PDE8A: variants seen among roughly 807,000 people sequenced by gnomAD.
PDE8A encodes high affinity cAMP-specific and IBMX-insensitive 3',5'-cyclic phosphodiesterase 8A.
Under a neutral mutation model 105.0 loss-of-function variants are expected in PDE8A, and 59 were observed. The observed-to-expected ratio is 0.56, with a 90% CI of 0.46 to 0.70. The LOEUF is 0.70. PDE8A is among the 30% of genes least tolerant of loss of function. PDE8A has a pLI of 0.00. For missense variants in PDE8A, 1,014 were observed against 1,045.9 expected (o/e 0.97, Z 0.42); for synonymous variants, 355 against 371.9 (o/e 0.95, Z 0.52).
At chr15:85,054,452 A>G (rs891987086) in intron 1 of PDE8A, among the ~76,000 whole-genome samples, 4 of 151,976 alleles carry the variant, frequency 2.6e-5, no homozygotes, top group Non-Finnish European at 5.9e-5. Flanking sequence ...CAGGTACGGG[A>G]CTTTTTTTGG....
At chr15:84,991,268 T>G (rs190418464) in intron 1 of PDE8A, among the ~76,000 whole-genome samples, 1 of 152,160 alleles carries the variant, frequency 6.6e-6, no homozygotes, top group Non-Finnish European at 1.5e-5. Flanking sequence ...AGGATTAGTA[T>G]TCAGAGAGGT....
Position 84,984,392 on chromosome 15 carries a change from C to T in PDE8A, c.186+2044C>T, listed in dbSNP as rs199506581. ...TAAATTTTAAGATATTAACTATGCT[C>T]TGGAAATTCATGTTAGAGAAGGCAA... On this transcript the variant is annotated intron_variant, in intron 1 of 21. Coordinates refer to ENST00000394553, the MANE Select transcript of PDE8A (RefSeq NM_002605.3). Among the ~76,000 whole-genome samples the T allele has an allele frequency of 9.9e-5, 15 of 152,262 alleles. No homozygotes were observed. In the East Asian group the frequency reaches 2.9e-3, roughly 29 times the overall value.
chr15:85,128,728 C>T (rs566311609), intron 20 of PDE8A, among the ~76,000 whole-genome samples: 1 of 152,084 alleles, frequency 6.6e-6, no homozygotes, highest in Non-Finnish European at 1.5e-5. Flanking sequence ...AGTATTTGTC[C>T]AGACACTTCC....
chr15:85,072,497 C>T (rs1445095824), intron 3 of PDE8A, among the ~76,000 whole-genome samples: 1 of 152,136 alleles, frequency 6.6e-6, no homozygotes, highest in East Asian at 1.9e-4. Flanking sequence ...GGCCAATGGA[C>T]CTATCATGTG....
intron 1 of PDE8A, among the ~76,000 whole-genome samples, chr15:85,052,630 A>AGT (rs1440329981): frequency 6.6e-6 from 1 of 152,204 alleles, no homozygotes; most frequent in Non-Finnish European, 1.5e-5. Flanking sequence ...TCTTTTGAGA[A>AGT]GTGTCTGTTC....
chr15:85,049,646 C>T (rs533613596), intron 1 of PDE8A, among the ~76,000 whole-genome samples: 3 of 152,262 alleles, frequency 2.0e-5, no homozygotes, highest in South Asian at 2.1e-4. Flanking sequence ...CTCCCAGGCC[C>T]GAGTGATTCT....
intron 20 of PDE8A, among the ~76,000 whole-genome samples, chr15:85,131,252 G>C (rs189772469): frequency 6.6e-6 from 1 of 152,238 alleles, no homozygotes; most frequent in African/African-American, 2.4e-5. Context: ...ACAGTCTGTG[G>C]CTTTTGAGTT....
At chr15:85,046,651 A>G (rs1452345151) in intron 1 of PDE8A, among the ~76,000 whole-genome samples, 1 of 152,220 alleles carries the variant, frequency 6.6e-6, no homozygotes, top group East Asian at 1.9e-4. Context: ...AGATAATAAA[A>G]TATGTAGTAT....
chr15:85,079,135 A>ATAT (rs1377825622), intron 5 of PDE8A, among the ~76,000 whole-genome samples: 1 of 152,228 alleles, frequency 6.6e-6, no homozygotes, highest in Non-Finnish European at 1.5e-5. Flanking sequence ...ACTTATGCAT[A>ATAT]TATGTATAAG....
At chr15:85,056,887 A>T (rs558220575) in intron 1 of PDE8A, among the ~76,000 whole-genome samples, 1 of 152,276 alleles carries the variant, frequency 6.6e-6, no homozygotes, top group African/African-American at 2.4e-5. Flanking sequence ...GGAGGAGAAG[A>T]GGCACTCCGA....
upstream of PDE8A, chr15:84,980,833 T>C (rs2079694368): frequency 6.6e-6 from 1 of 152,246 alleles, no homozygotes; most frequent in Non-Finnish European, 1.5e-5. Context: ...TTGGTTAAAA[T>C]GAGAGGAGGA....
intron 5 of PDE8A, among the ~76,000 whole-genome samples, chr15:85,077,556 C>G (rs1416159067): frequency 6.6e-6 from 1 of 152,172 alleles, no homozygotes; most frequent in Non-Finnish European, 1.5e-5. Flanking sequence ...TTCATCTTTG[C>G]CCGCAGAGGA....
At chr15:85,116,168 T>C in intron 16 of PDE8A, 49 bp downstream of exon 16, 2 of 1,595,398 alleles carry the variant, frequency 1.3e-6, no homozygotes, top group Non-Finnish European at 1.7e-6. Flanking sequence ...TCCCAGGGCC[T>C]GTGTGAGGAG....
intron 1 of PDE8A, among the ~76,000 whole-genome samples, chr15:85,035,598 A>G (rs1235550668): frequency 6.6e-6 from 1 of 151,886 alleles, no homozygotes; most frequent in Non-Finnish European, 1.5e-5. Flanking sequence ...GATTAGTTTC[A>G]CTCCTCTGAA....
At chr15:85,013,037 G>T (rs1246723272) in intron 1 of PDE8A, among the ~76,000 whole-genome samples, 2 of 152,140 alleles carry the variant, frequency 1.3e-5, no homozygotes, top group African/African-American at 4.8e-5. Context: ...ATATTAAATG[G>T]AGCTTTGTAC....
In PDE8A at chr15:85,116,061, G is replaced by A. The variant is rs1299503771; in HGVS notation, c.1477G>A (p.Glu493Lys). ...CCCACCACGGATAGCTCGGGCCATG[G>A]AAAATGAGGAATACTGGGACTTTGA... ...DVPPRIARAM[E>K]NEEYWDFDIF... Residue 493 changes from glutamate to lysine, a missense_variant, in exon 16 of 22, where the codon GAA (glutamate) becomes AAA (lysine). By Grantham distance (56) the Glu-to-Lys change is moderately conservative. Coordinates refer to ENST00000394553, the MANE Select transcript of PDE8A (RefSeq NM_002605.3). The A allele has an allele frequency of 6.2e-7, 1 of 1,614,032 alleles. No individual in the cohort carries two copies. The highest frequency in any genetic ancestry group is 1.3e-5 in the African/African-American group (1 of 75,034).
chr15:85,092,920 C>CTTTTTTTTTTTTTT (rs5814181), intron 8 of PDE8A, among the ~76,000 whole-genome samples: 1 of 132,052 alleles, frequency 7.6e-6, no homozygotes, highest in Non-Finnish European at 1.6e-5. Context: ...TACTGCTTTC[C>CTTTTTTTTTTTTTT]TTTTTTTTTT....
chr15:85,029,726 A>G (rs916950300), intron 1 of PDE8A, among the ~76,000 whole-genome samples: 6 of 152,202 alleles, frequency 3.9e-5, no homozygotes, highest in Middle Eastern at 3.2e-3. Flanking sequence ...GAAGCTGCAC[A>G]TTCTGCCATT....
chr15:85,039,719 C>G (rs2080770045), intron 1 of PDE8A, among the ~76,000 whole-genome samples: 1 of 152,148 alleles, frequency 6.6e-6, no homozygotes, highest in African/African-American at 2.4e-5. Flanking sequence ...ATGTGCTGAT[C>G]CACAGACAAA....
Sources: gnomAD v4.1 joint callset for allele counts (sites outside exome capture counted in the v4.1 genomes callset) on GRCh38, gnomAD v4.1.1 for gene constraint, MANE v1.5 for transcripts, NCBI Gene and HGNC (gene_info 2026-07-23, HGNC 2026-07-21) for gene names.